The following FSIP2 variants were observed in gnomAD, a reference collection of about 807,000 sequenced individuals.
FSIP2 encodes the protein fibrous sheath interacting protein 2, also known as fibrous sheath-interacting protein 2.
Under a neutral mutation model 510.5 loss-of-function variants are expected in FSIP2, and 367 were observed. That is an observed-to-expected ratio of 0.72 (90% CI 0.66 to 0.78). The LOEUF (loss-of-function observed/expected upper bound fraction) is 0.78, where lower values mean the gene tolerates loss of function less well. FSIP2 is among the 30% of genes least tolerant of loss of function. The pLI is 0.00. For missense variants in FSIP2, 7,594 were observed against 7,901.7 expected (o/e 0.96, Z 1.48); for synonymous variants, 2,601 against 2,732.2 (o/e 0.95, Z 1.50).
intron 2 of FSIP2, among the ~76,000 whole-genome samples, chr2:185,742,076 A>C (rs920316554): frequency 6.6e-6 from 1 of 152,172 alleles, no homozygotes; most frequent in African/African-American, 2.4e-5. Flanking sequence ...TATTACCTAC[A>C]TACTCCAATT....
chr2:185,819,941 T>A (rs1365932360), intron 19 of FSIP2, among the ~76,000 whole-genome samples: 1 of 151,918 alleles, frequency 6.6e-6, no homozygotes, highest in Admixed American at 6.6e-5. Context: ...ATATATTAAA[T>A]AAATACTAAC....
At chr2:185,761,200 A>G in intron 10 of FSIP2, 97 bp downstream of exon 10, 1 of 451,840 alleles carries the variant, frequency 2.2e-6, no homozygotes, top group Non-Finnish European at 3.8e-6. Flanking sequence ...CATAGTACTG[A>G]TTGTTTAGGG....
intron 18 of FSIP2, among the ~76,000 whole-genome samples, chr2:185,814,511 A>G (rs1693796235): frequency 6.6e-6 from 1 of 152,062 alleles, no homozygotes; most frequent in South Asian, 2.1e-4. Context: ...GGTAAGTTAT[A>G]TAACCAGCTT....
At position 185,789,921 on chromosome 2, in the gene FSIP2, G is replaced by C; in HGVS notation, c.2785G>C (p.Glu929Gln). ...ELNNERIIAS[E>Q]ETVVLLQLLE... ...AAATAATGAGAGAATTATTGCATCT[G>C]AAGAAACCGTAGTACTCCTTCAGCT... The change falls in exon 16 of 23, where the codon GAA becomes CAA. Residue 929 changes from glutamate (E) to glutamine (Q), a missense_variant. Transcript: ENST00000424728. 1 of 1,533,890 alleles carries C rather than the reference G, an allele frequency of 6.5e-7. No homozygotes were observed. Among genetic ancestry groups the C allele is most frequent in the East Asian group, 2.4e-5 (1 of 40,830 alleles).
At position 185,780,392 on chromosome 2, in the gene FSIP2, C is replaced by T. The variant is rs989999677; in HGVS notation, c.1412-2313C>T. Among the ~76,000 whole-genome samples the T allele has an allele frequency of 1.1e-4, 16 of 151,706 alleles. 1 individual carries two copies. Among genetic ancestry groups the T allele is most frequent in the South Asian group, 2.1e-4 (1 of 4,802 alleles). On this transcript the variant is annotated intron_variant, in intron 13 of 22. Coordinates refer to ENST00000424728, the MANE Select transcript of FSIP2 (RefSeq NM_173651.4). Reference sequence around the variant, plus strand: ...ATTTCTTCAAATATGTTCTCTAGTTCGCTAATTCTCTCTTTAGTTATTTAG... The same window carrying T: ...ATTTCTTCAAATATGTTCTCTAGTTTGCTAATTCTCTCTTTAGTTATTTAG...
At position 185,808,968 on chromosome 2, in the gene FSIP2, T is replaced by G; in HGVS notation, c.19662T>G (p.Leu6554=). 1 of 1,610,222 alleles carries G rather than the reference T, an allele frequency of 6.2e-7. No homozygotes were observed. The highest frequency in any genetic ancestry group is 8.5e-7 in the Non-Finnish European group (1 of 1,178,920). Residue 6554 remains leucine, a synonymous_variant, in exon 17 of 23, where the codon CTT becomes CTG. Transcript: ENST00000424728. ...TAAAAACTCAACCTCTTGAGAAACT[T>G]AAGCAGGAGTGTTTGAAAAGAACTG... ...ISIKTQPLEK[L]KQECLKRTGH...
chr2:185,748,592 T>G (rs1692083153), intron 7 of FSIP2, among the ~76,000 whole-genome samples: 1 of 152,088 alleles, frequency 6.6e-6, no homozygotes, highest in African/African-American at 2.4e-5. Flanking sequence ...AAAGTATCTT[T>G]GTTTTCCAGA....
chr2:185,797,450 T>A lies in FSIP2; in HGVS notation c.10314T>A (p.Gly3438=). The A allele has an allele frequency of 2.0e-6, 3 of 1,530,666 alleles. No homozygotes were observed. The highest frequency in any genetic ancestry group is 2.6e-6 in the Non-Finnish European group (3 of 1,145,156). The allele number at this position is 1,530,666 out of a possible 1,614,324, so 94.8% of individuals were successfully genotyped here. The change falls in exon 16 of 23, where the codon GGT becomes GGA. Residue 3438 remains glycine (G), a synonymous_variant. Coordinates refer to ENST00000424728, the MANE Select transcript of FSIP2 (RefSeq NM_173651.4). Reference sequence around the variant, plus strand: ...TTACTTTTGCTGATCATGAAATGGGTTCCAATGAAGTTCATCTGATAGCAA... The same window carrying A: ...TTACTTTTGCTGATCATGAAATGGGATCCAATGAAGTTCATCTGATAGCAA... ...EAFTFADHEM[G]SNEVHLIARH... is the part of the protein sequence containing the mutation.
rs1444631584 is a variant in FSIP2 at position 185,793,376 on chromosome 2, CA to C, written c.6243del (p.Lys2081AsnfsTer38). ...TTATTGAAAAGCTGCTCAATGAGAC[CA>C]AATATCGAAAAGTACTTCAACTTCA... Reference protein sequence around the residue: ...GVIEKLLNETKYRKVLQLQIQ... With the variant: ...GVIEKLLNETXYRKVLQLQIQ... On this transcript the variant is annotated frameshift_variant, in exon 16 of 23. Transcript: ENST00000424728. LOFTEE classifies it high-confidence loss of function. 7.8e-6 allele frequency: 12 copies of C among 1,533,586 alleles called. No individual in the cohort carries two copies. The highest frequency in any genetic ancestry group is 2.0e-5 in the Admixed American group (1 of 50,828). The allele number at this position is 1,533,586 out of a possible 1,614,324, so 95.0% of individuals were successfully genotyped here. A position where few individuals can be genotyped will look rare whatever the true frequency, so the allele number is the denominator to read the frequency against.
chr2:185,739,341 G>T lies in FSIP2; in HGVS notation c.100-5G>T, dbSNP rs897434079. The T allele has an allele frequency of 2.0e-6, 3 of 1,525,018 alleles. No homozygotes were observed. The highest frequency in any genetic ancestry group is 2.8e-5 in the African/African-American group (2 of 72,012). The allele number at this position is 1,525,018 out of a possible 1,614,324, so 94.5% of individuals were successfully genotyped here. On this transcript the variant is annotated splice_region_variant and splice_polypyrimidine_tract_variant and intron_variant, in intron 1 of 22. Transcript: ENST00000424728. ...AAGACAAAACTCTCCAATTGTGTCT[G>T]ACAGGGCGTGCACAAAACCCACTTT...
Position 185,792,550 on chromosome 2 carries a change from C to G in FSIP2, c.5414C>G (p.Ser1805Cys). Reference protein sequence around the residue: ...NQLNVLSLSHSNFNGMPHNVD... With the variant: ...NQLNVLSLSHCNFNGMPHNVD... ...TTAAATGTCCTTTCTCTCTCCCACTCTAATTTTAATGGCATGCCTCACAAT... is the reference window on the plus strand; with the variant it reads ...TTAAATGTCCTTTCTCTCTCCCACTGTAATTTTAATGGCATGCCTCACAAT... The change falls in exon 16 of 23, where the codon TCT becomes TGT. Residue 1805 changes from serine (S) to cysteine (C), a missense_variant. Coordinates refer to ENST00000424728, the MANE Select transcript of FSIP2 (RefSeq NM_173651.4). 1 of 1,532,208 alleles carries G rather than the reference C, an allele frequency of 6.5e-7. No homozygotes were observed. Among genetic ancestry groups the G allele is most frequent in the Non-Finnish European group, 8.7e-7 (1 of 1,143,986 alleles). 94.9% of individuals were successfully genotyped at this position (1,532,208 alleles called of 1,614,324 possible). A position where few individuals can be genotyped will look rare whatever the true frequency, so the allele number is the denominator to read the frequency against.
chr2:185,773,351 C>T (rs1256640040), intron 13 of FSIP2, among the ~76,000 whole-genome samples: 1 of 152,146 alleles, frequency 6.6e-6, no homozygotes, highest in Non-Finnish European at 1.5e-5. Flanking sequence ...AAGGTTTCTG[C>T]TGAGAAATCT....
intron 2 of FSIP2, 52 bp from the exon 3 acceptor site, chr2:185,743,081 A>G (rs1355818860): frequency 8.8e-7 from 1 of 1,135,182 alleles, no homozygotes; most frequent in Admixed American, 3.5e-5. Flanking sequence ...TTGATAGATT[A>G]TTTAAAGTGA....
intron 21 of FSIP2, among the ~76,000 whole-genome samples, chr2:185,829,246 C>T (rs1694067883): frequency 1.3e-5 from 2 of 151,816 alleles, no homozygotes; most frequent in Non-Finnish European, 2.9e-5. Flanking sequence ...AAGTTGTTAT[C>T]TAATCCAGTT....
chr2:185,757,329 G>C (rs575556172), intron 9 of FSIP2, among the ~76,000 whole-genome samples: 2 of 151,358 alleles, frequency 1.3e-5, no homozygotes, highest in Non-Finnish European at 3.0e-5. Flanking sequence ...CCAGTTTATC[G>C]TGACAATTGT....
At position 185,782,754 on chromosome 2, in the gene FSIP2, C is replaced by T. The variant is rs944415353; in HGVS notation, c.1461C>T (p.Tyr487=). ...CGGGTATATTTTCTTCTCCTGTTTA[C>T]ACAAATATGTAAGTACCTAAGGAAT... ...TDPGIFSSPV[Y]TNMQQNLLQN... is the part of the protein sequence containing the mutation. The change falls in exon 14 of 23, where the codon TAC becomes TAT. Residue 487 remains tyrosine (Y), a synonymous_variant. Coordinates refer to ENST00000424728, the MANE Select transcript of FSIP2 (RefSeq NM_173651.4). 1 of 1,476,584 alleles carries T rather than the reference C, an allele frequency of 6.8e-7. No homozygotes were observed. The highest frequency in any genetic ancestry group is 9.2e-7 in the Non-Finnish European group (1 of 1,092,768). The allele number at this position is 1,476,584 out of a possible 1,614,324, so 91.5% of individuals were successfully genotyped here.
rs1692246338 is a variant in FSIP2, at chr2:185,756,343, G to C, written c.1078+65G>C. On this transcript the variant is annotated intron_variant, in intron 9 of 22. Coordinates refer to ENST00000424728, the MANE Select transcript of FSIP2 (RefSeq NM_173651.4). ...AATAATTTGGGGGAAAGACAGTTTT[G>C]TAACAACTTTTTTCACTTAAGTGCA... The C allele has an allele frequency of 8.7e-6, 5 of 575,036 alleles. No homozygotes were observed. The South Asian group carries it at 1.4e-4, about 16-fold the overall frequency. 35.6% of individuals were successfully genotyped at this position (575,036 alleles called of 1,614,324 possible). A position where few individuals can be genotyped will look rare whatever the true frequency, so the allele number is the denominator to read the frequency against.
chr2:185,814,660 T>C (rs1221381213), intron 18 of FSIP2, among the ~76,000 whole-genome samples: 1 of 152,076 alleles, frequency 6.6e-6, no homozygotes, highest in African/African-American at 2.4e-5. Flanking sequence ...CAATGACCTT[T>C]TGAGTTTGGT....
At chr2:185,776,311 A>T (rs1318403818) in intron 13 of FSIP2, among the ~76,000 whole-genome samples, 1 of 152,056 alleles carries the variant, frequency 6.6e-6, no homozygotes, top group Non-Finnish European at 1.5e-5. Context: ...TTATAATAAT[A>T]ATAGCTTTCA....
Sources: gnomAD v4.1 joint callset for allele counts (sites outside exome capture counted in the v4.1 genomes callset) on GRCh38, gnomAD v4.1.1 for gene constraint, MANE v1.5 for transcripts, NCBI Gene and HGNC (gene_info 2026-07-23, HGNC 2026-07-21) for gene names.